CPEB3: variants seen among roughly 807,000 people sequenced by gnomAD.
CPEB3 encodes cytoplasmic polyadenylation element-binding protein 3.
A neutral mutation model predicts 67.2 loss-of-function variants in CPEB3; 20 were observed. That is an observed-to-expected ratio of 0.30 (90% confidence interval 0.21 to 0.43). The LOEUF (loss-of-function observed/expected upper bound fraction) is 0.43. Ranked by LOEUF, CPEB3 falls within the 20% of genes least tolerant of loss-of-function variation. CPEB3 has a pLI of 1.00. For synonymous variants in CPEB3, 376 were observed against 393.1 expected, an observed-to-expected ratio of 0.96 and a Z score of 0.51; for missense variants, 746 against 968.6, an observed-to-expected ratio of 0.77 and a Z score of 3.05.
chr10:92,066,091 C>T (rs929045804), intron 9 of CPEB3, among the ~76,000 whole-genome samples: 11 of 150,906 alleles, frequency 7.3e-5, no homozygotes, highest in African/African-American at 1.7e-4. Flanking sequence ...AGTGAGACCT[C>T]GTCTCAAAAA....
chr10:92,240,808 G>C (rs1851812309), intron 1 of CPEB3, among the ~76,000 whole-genome samples: 1 of 152,048 alleles, frequency 6.6e-6, no homozygotes, highest in Non-Finnish European at 1.5e-5. Flanking sequence ...AGGTTAAAAA[G>C]ACACCGCACA....
At chr10:92,246,755 G>C (rs1040664617) in intron 1 of CPEB3, among the ~76,000 whole-genome samples, 1 of 152,204 alleles carries the variant, frequency 6.6e-6, no homozygotes, top group Non-Finnish European at 1.5e-5. Context: ...TGATCCACCC[G>C]CCTCGGCCTC....
intron 9 of CPEB3, among the ~76,000 whole-genome samples, chr10:92,060,619 CA>C (rs1373257142): frequency 9.9e-5 from 15 of 152,068 alleles, no homozygotes; most frequent in Admixed American, 9.8e-4. Context: ...ACCCATCTGA[CA>C]AGGGATTCAT....
chr10:92,206,881 T>C (rs964669825), intron 2 of CPEB3, among the ~76,000 whole-genome samples: 6 of 152,206 alleles, frequency 3.9e-5, no homozygotes, highest in East Asian at 1.9e-4. Flanking sequence ...TTTAAAATTA[T>C]AGACTAAAAA....
At chr10:92,240,662 C>T (rs929702700) in intron 1 of CPEB3, among the ~76,000 whole-genome samples, 1 of 152,136 alleles carries the variant, frequency 6.6e-6, no homozygotes, top group Middle Eastern at 3.2e-3. Context: ...AATTTCGCCA[C>T]GTCTCTTTTC....
chr10:92,091,728 T>C lies in CPEB3; in HGVS notation c.1687+102A>G, dbSNP rs1034440637. The C allele has an allele frequency of 3.8e-5, 24 of 629,324 alleles. No individual in the cohort carries two copies. The African/African-American group carries it at 4.0e-4, about 10-fold the overall frequency. The allele number at this position is 629,324 out of a possible 1,614,324, so 39.0% of individuals were successfully genotyped here. Reference sequence around the variant, plus strand: ...TGATGACAGCCTTCTTTTTGGAGACTATGTATAGCTGACTGGAAACCTAGA... The same window carrying C: ...TGATGACAGCCTTCTTTTTGGAGACCATGTATAGCTGACTGGAAACCTAGA... On this transcript the variant is annotated intron_variant, in intron 8 of 9. Transcript: ENST00000265997.
chr10:92,102,776 T>G (rs1844252974), intron 7 of CPEB3, among the ~76,000 whole-genome samples: 1 of 152,214 alleles, frequency 6.6e-6, no homozygotes, highest in Non-Finnish European at 1.5e-5. Flanking sequence ...CTCAGAAACA[T>G]CTGCGTACTC....
intron 7 of CPEB3, among the ~76,000 whole-genome samples, chr10:92,100,220 G>A (rs1181062111): frequency 1.4e-5 from 2 of 147,666 alleles, no homozygotes; most frequent in Non-Finnish European, 3.0e-5. Context: ...CTTGCCACAG[G>A]GAGAAAACAT....
chr10:92,247,909 C>G (rs960667880), intron 1 of CPEB3, among the ~76,000 whole-genome samples: 11 of 151,638 alleles, frequency 7.3e-5, no homozygotes, highest in African/African-American at 2.2e-4. Flanking sequence ...TTTTGTTTTT[C>G]TTTGAGACAG....
At chr10:92,236,961 A>C (rs1851568312) in intron 2 of CPEB3, among the ~76,000 whole-genome samples, 1 of 150,636 alleles carries the variant, frequency 6.6e-6, no homozygotes, top group Non-Finnish European at 1.5e-5. Flanking sequence ...TAAATAAAAA[A>C]TAAAGTTGCT....
intron 6 of CPEB3, among the ~76,000 whole-genome samples, chr10:92,116,938 G>A (rs1456714733): frequency 6.6e-6 from 1 of 152,202 alleles, no homozygotes; most frequent in Non-Finnish European, 1.5e-5. Context: ...GGAGAAAAAG[G>A]AACACCAAGG....
intron 4 of CPEB3, among the ~76,000 whole-genome samples, chr10:92,159,698 A>G (rs1847374578): frequency 1.3e-5 from 2 of 152,118 alleles, no homozygotes; most frequent in Non-Finnish European, 2.9e-5. Context: ...CAAAAAACAA[A>G]CAAACAAAAA....
intron 2 of CPEB3, among the ~76,000 whole-genome samples, chr10:92,224,913 T>G (rs569958462): frequency 2.4e-3 from 348 of 147,738 alleles, no homozygotes; most frequent in Admixed American, 3.8e-3. Context: ...ATATTTTATA[T>G]ATTTAATAAT....
At chr10:92,100,155 T>A (rs1343249760) in intron 7 of CPEB3, among the ~76,000 whole-genome samples, 1 of 152,192 alleles carries the variant, frequency 6.6e-6, no homozygotes, top group Non-Finnish European at 1.5e-5. Flanking sequence ...TTTTGTTGTA[T>A]CTAATTTAAT....
At chr10:92,121,355 ATATATAAAATATATTT>A (rs1845370889) in intron 6 of CPEB3, among the ~76,000 whole-genome samples, 1 of 146,788 alleles carries the variant, frequency 6.8e-6, no homozygotes, top group Non-Finnish European at 1.5e-5. Flanking sequence ...ACACATATAT[ATATATAAAATATATTT>A]TATATATAAT....
chr10:92,139,289 T>TA (rs3048542), intron 6 of CPEB3, among the ~76,000 whole-genome samples: 12,020 of 71,076 alleles, frequency 0.17, 1,867 homozygotes, highest in African/African-American at 0.4. Context: ...CACACACACA[T>TA]AAAAAAAAAA....
intron 7 of CPEB3, among the ~76,000 whole-genome samples, chr10:92,102,641 A>C (rs138100265): frequency 3.9e-5 from 6 of 152,336 alleles, no homozygotes; most frequent in African/African-American, 7.2e-5. Context: ...CAGCATGCAT[A>C]AACTGCCCCA....
intron 2 of CPEB3, among the ~76,000 whole-genome samples, chr10:92,194,810 G>T (rs1849152979): frequency 6.6e-6 from 1 of 152,080 alleles, no homozygotes; most frequent in Non-Finnish European, 1.5e-5. Flanking sequence ...GGGAGGCTGA[G>T]GCGGGCGGAT....
intron 1 of CPEB3, among the ~76,000 whole-genome samples, chr10:92,276,277 CTTT>C (rs769749643): frequency 7.4e-5 from 8 of 108,254 alleles, no homozygotes; most frequent in African/African-American, 1.3e-4. Flanking sequence ...TTTTTCTTTT[CTTT>C]TTTTTTTTTT....
Sources: allele counts gnomAD v4.1 joint callset (sites outside exome capture counted in the v4.1 genomes callset), GRCh38; gene constraint gnomAD v4.1.1; transcripts MANE v1.5; gene names NCBI Gene and HGNC (gene_info 2026-07-23, HGNC 2026-07-21).